The following FMN1 variants were observed in gnomAD, a reference collection of about 807,000 sequenced individuals.
FMN1 encodes formin-1.
Under a neutral mutation model 132.4 loss-of-function variants are expected in FMN1, and 110 were observed. The ratio of observed to expected loss-of-function variants is 0.83; its 90% CI spans 0.71 to 0.97. FMN1 has a LOEUF of 0.97. Among genes scored for constraint, FMN1 ranks in the 50% least tolerant of loss-of-function variants. The probability of loss-of-function intolerance (pLI) is 0.00; values close to 1 mark genes in which losing one functional copy is unlikely to be tolerated. For missense variants in FMN1, 1,792 were observed against 1,705.3 expected, an observed-to-expected ratio of 1.05 and a Z score of -0.90; for synonymous variants, 722 against 651.7, an observed-to-expected ratio of 1.11 and a Z score of -1.64.
chr15:32,851,564 GAA>G (rs1247801367), intron 17 of FMN1, among the ~76,000 whole-genome samples: 1 of 152,046 alleles, frequency 6.6e-6, no homozygotes, highest in Admixed American at 6.6e-5. Context: ...GTGTGGAAAA[GAA>G]AAAAGACACG....
chr15:33,145,268 T>C (rs2140262142), intron 4 of FMN1, among the ~76,000 whole-genome samples: 1 of 152,046 alleles, frequency 6.6e-6, no homozygotes. Flanking sequence ...CACAACTGCC[T>C]ACCTCTCCCG....
At chr15:33,129,858 T>A (rs1004296684) in intron 4 of FMN1, among the ~76,000 whole-genome samples, 3 of 148,414 alleles carry the variant, frequency 2.0e-5, no homozygotes, top group African/African-American at 7.5e-5. Flanking sequence ...AGTGGCACAA[T>A]CTCGGCTCAC....
rs79022615 is a variant in FMN1, at chr15:33,082,881, A to T, written c.2043+5918T>A. Among the ~76,000 whole-genome samples the T allele has an allele frequency of 4.0e-3, 609 of 150,992 alleles. 2 individuals are homozygous for T. The highest frequency in any genetic ancestry group is 0.013 in the African/African-American group (543 of 40,608). ...CCCAGTTAAATATGAATTTTAGATT[A>T]AAAAAAACCAAAAAATTTTGTAATA... On this transcript the variant is annotated intron_variant, in intron 5 of 20. Transcript: ENST00000616417.
chr15:32,903,574 T>C (rs1332574363), intron 12 of FMN1, among the ~76,000 whole-genome samples: 1 of 152,166 alleles, frequency 6.6e-6, no homozygotes, highest in Non-Finnish European at 1.5e-5. Context: ...AGGACCCAAG[T>C]TCCCAGAGCA....
chr15:33,136,120 T>A (rs1044230676), intron 4 of FMN1, among the ~76,000 whole-genome samples: 27 of 152,336 alleles, frequency 1.8e-4, no homozygotes, highest in African/African-American at 6.5e-4. Context: ...AGCAGATGGC[T>A]TCATGGCCAC....
Position 33,066,983 on chromosome 15 carries a change from T to C in FMN1, c.2044-1909A>G. 2 of 1,613,960 alleles carry C rather than the reference T, an allele frequency of 1.2e-6. No homozygotes were observed. Among genetic ancestry groups the C allele is most frequent in the Non-Finnish European group, 1.7e-6 (2 of 1,179,874 alleles). ...TTTGAGCAAAGCTAAGTCCCCATCC[T>C]TTGGTTTAATTTCCGTGATGGTCTC... On this transcript the variant is annotated intron_variant, in intron 5 of 20. Coordinates refer to ENST00000616417, the MANE Select transcript of FMN1 (RefSeq NM_001277313.2).
At chr15:33,161,592 A>T (rs1226050297) in intron 3 of FMN1, among the ~76,000 whole-genome samples, 1 of 151,990 alleles carries the variant, frequency 6.6e-6, no homozygotes, top group East Asian at 1.9e-4. Flanking sequence ...CCACCCTGGG[A>T]TGGAGTGCAG....
chr15:33,163,706 C>T (rs1364128705), intron 3 of FMN1, among the ~76,000 whole-genome samples: 2 of 151,942 alleles, frequency 1.3e-5, no homozygotes, highest in African/African-American at 4.8e-5. Flanking sequence ...CAACCTCCAC[C>T]TCCTGGGTTC....
chr15:32,911,760 A>G (rs2060566907), intron 10 of FMN1, among the ~76,000 whole-genome samples: 1 of 152,206 alleles, frequency 6.6e-6, no homozygotes, highest in Non-Finnish European at 1.5e-5. Context: ...GAGGAGGTTA[A>G]TATGCTAGAG....
At chr15:33,148,849 T>A (rs1164845550) in intron 4 of FMN1, among the ~76,000 whole-genome samples, 1 of 152,118 alleles carries the variant, frequency 6.6e-6, no homozygotes, top group Non-Finnish European at 1.5e-5. Flanking sequence ...TTTACAGGTC[T>A]CTAACAACCT....
chr15:32,808,698 C>T (rs2057766482), intron 17 of FMN1, among the ~76,000 whole-genome samples: 1 of 152,192 alleles, frequency 6.6e-6, no homozygotes, highest in East Asian at 1.9e-4. Context: ...AATCTAGTGA[C>T]TGACATATGA....
chr15:33,137,474 C>T (rs1333917311), intron 4 of FMN1, among the ~76,000 whole-genome samples: 1 of 152,150 alleles, frequency 6.6e-6, no homozygotes, highest in African/African-American at 2.4e-5. Context: ...TGATTCCAAA[C>T]TAATCCCAAA....
At chr15:33,078,605 G>T (rs1044326012) in intron 5 of FMN1, among the ~76,000 whole-genome samples, 4 of 150,712 alleles carry the variant, frequency 2.7e-5, no homozygotes, top group African/African-American at 9.8e-5. Flanking sequence ...CTAATAAATT[G>T]GAATTGCTTA....
intron 7 of FMN1, among the ~76,000 whole-genome samples, chr15:32,999,005 T>A (rs572424806): frequency 1.3e-5 from 2 of 152,294 alleles, no homozygotes; most frequent in South Asian, 4.1e-4. Flanking sequence ...TCAACACTAG[T>A]AAACCAGTAA....
chr15:33,066,781 T>C (rs774295139), intron 5 of FMN1: 1 of 1,613,910 alleles, frequency 6.2e-7, no homozygotes, highest in Non-Finnish European at 8.5e-7. Context: ...CCATCTCTTC[T>C]CTCCTGGGCG....
chr15:32,850,997 G>C (rs925274666), intron 17 of FMN1, among the ~76,000 whole-genome samples: 2 of 152,020 alleles, frequency 1.3e-5, no homozygotes, highest in African/African-American at 4.8e-5. Flanking sequence ...GGCAGAGCTT[G>C]CAGTGAGCCA....
intron 12 of FMN1, among the ~76,000 whole-genome samples, chr15:32,906,507 C>G (rs920822809): frequency 6.6e-6 from 1 of 152,176 alleles, no homozygotes; most frequent in African/African-American, 2.4e-5. Context: ...GCCACAAAGC[C>G]TAAAAGACTT....
intron 4 of FMN1, among the ~76,000 whole-genome samples, chr15:33,104,403 G>A (rs1190411416): frequency 1.3e-5 from 2 of 152,076 alleles, no homozygotes; most frequent in Non-Finnish European, 2.9e-5. Flanking sequence ...TGTTGCTAAG[G>A]AATAGAAGCA....
chr15:33,117,928 G>A (rs17235645), intron 4 of FMN1, among the ~76,000 whole-genome samples: 47,958 of 152,004 alleles, frequency 0.32, 9,339 homozygotes, highest in South Asian at 0.42. Flanking sequence ...TGATGGAGTG[G>A]CAGTACGGAA....
Sources: allele counts gnomAD v4.1 joint callset (sites outside exome capture counted in the v4.1 genomes callset), GRCh38; gene constraint gnomAD v4.1.1; transcripts MANE v1.5; gene names NCBI Gene and HGNC (gene_info 2026-07-23, HGNC 2026-07-21).